PDZRN4: variants seen among roughly 807,000 people sequenced by gnomAD.
PDZRN4 encodes PDZ domain-containing RING finger protein 4.
A neutral mutation model predicts 99.0 loss-of-function variants in PDZRN4; 70 were observed. The observed-to-expected ratio is 0.71, with a 90% CI of 0.58 to 0.86. The LOEUF (loss-of-function observed/expected upper bound fraction) is 0.86, where lower values mean the gene tolerates loss of function less well. Among genes scored for constraint, PDZRN4 ranks in the 40% least tolerant of loss-of-function variants. The probability of loss-of-function intolerance (pLI) is 0.00; values close to 1 mark genes in which losing one functional copy is unlikely to be tolerated. For missense variants in PDZRN4, 1,474 were observed against 1,331.2 expected, an observed-to-expected ratio of 1.11 and a Z score of -1.67; for synonymous variants, 551 against 501.6, an observed-to-expected ratio of 1.10 and a Z score of -1.32.
intron 3 of PDZRN4, among the ~76,000 whole-genome samples, chr12:41,315,000 C>T (rs2141106): frequency 0.98 from 148,809 of 152,214 alleles, 72,859 homozygotes; most frequent in Middle Eastern, 1. Context: ...CTTGTGACTC[C>T]AGGTGATCTG....
chr12:41,373,718 C>T (rs1363909313), intron 3 of PDZRN4, among the ~76,000 whole-genome samples: 1 of 152,138 alleles, frequency 6.6e-6, no homozygotes, highest in East Asian at 1.9e-4. Context: ...ACATCCTCCT[C>T]AGCTTATGAA....
rs59008796 is a variant in PDZRN4 at position 41,536,761 on chromosome 12, T to TAAAAAAAAAAAAAAAA, written c.1204-15883_1204-15882insAAAAAAAAAAAAAAAA. ...GAAAAAAATAACATCTATTGAAAAG[T>TAAAAAAAAAAAAAAAA]AAAAAAAAAAAACCCTTCTTGATTT... On this transcript the variant is annotated intron_variant, in intron 5 of 9. Coordinates refer to ENST00000402685, the MANE Select transcript of PDZRN4 (RefSeq NM_001164595.2). Among the ~76,000 whole-genome samples, 37 of 137,324 alleles carry TAAAAAAAAAAAAAAAA rather than the reference T, an allele frequency of 2.7e-4. 1 individual carries two copies. The highest frequency in any genetic ancestry group is 4.7e-4 in the African/African-American group (17 of 36,430). 90.1% of individuals were successfully genotyped at this position (137,324 alleles called of 152,430 possible).
intron 3 of PDZRN4, among the ~76,000 whole-genome samples, chr12:41,494,564 G>A (rs985671118): frequency 6.6e-6 from 1 of 151,392 alleles, no homozygotes; most frequent in Non-Finnish European, 1.5e-5. Context: ...AGCATCAGTT[G>A]CTATTTTAAA....
intron 3 of PDZRN4, among the ~76,000 whole-genome samples, chr12:41,251,708 C>G (rs892535848): frequency 3.9e-5 from 6 of 152,198 alleles, no homozygotes; most frequent in African/African-American, 1.4e-4. Context: ...CATCCAACAT[C>G]TCATTCCCCT....
At chr12:41,382,612 C>T (rs1052250413) in intron 3 of PDZRN4, among the ~76,000 whole-genome samples, 1 of 152,180 alleles carries the variant, frequency 6.6e-6, no homozygotes, top group African/African-American at 2.4e-5. Context: ...GCAAAGTTTA[C>T]ATATGTACTA....
chr12:41,303,911 T>A (rs1315658710), intron 3 of PDZRN4, among the ~76,000 whole-genome samples: 1 of 152,182 alleles, frequency 6.6e-6, no homozygotes, highest in Non-Finnish European at 1.5e-5. Context: ...GACCTCAGCT[T>A]TTTTAATTCA....
At chr12:41,409,061 G>T (rs1018848856) in intron 3 of PDZRN4, among the ~76,000 whole-genome samples, 1 of 152,100 alleles carries the variant, frequency 6.6e-6, no homozygotes, top group South Asian at 2.1e-4. Flanking sequence ...TTTAAAAGAG[G>T]AGATTGATTA....
chr12:41,439,724 T>A (rs941569680), intron 3 of PDZRN4, among the ~76,000 whole-genome samples: 2 of 152,160 alleles, frequency 1.3e-5, no homozygotes, highest in Non-Finnish European at 2.9e-5. Context: ...CCTCCATATA[T>A]TTATTTTATT....
At chr12:41,346,491 A>G (rs1951856226) in intron 3 of PDZRN4, among the ~76,000 whole-genome samples, 1 of 151,922 alleles carries the variant, frequency 6.6e-6, no homozygotes, top group Non-Finnish European at 1.5e-5. Flanking sequence ...AAATAAAAAT[A>G]AAAATAAATT....
In PDZRN4 at chr12:41,299,170, G is replaced by A. The variant is rs191818260; in HGVS notation, c.843+104982G>A. 5.9e-5 allele frequency among the ~76,000 whole-genome samples: 9 copies of A among 152,190 alleles called. No homozygotes were observed. In the East Asian group the frequency reaches 1.7e-3, roughly 29 times the overall value. ...GGCAAATAATTATTAAAAATAAAGA[G>A]AGCTGGCCATTTTCTCGAGCTGCTT... is the stretch of plus-strand genomic sequence containing the variant. On this transcript the variant is annotated intron_variant, in intron 3 of 9. Transcript: ENST00000402685.
intron 3 of PDZRN4, among the ~76,000 whole-genome samples, chr12:41,421,897 A>T (rs1005128816): frequency 2.6e-5 from 4 of 152,204 alleles, no homozygotes; most frequent in Non-Finnish European, 4.4e-5. Context: ...TATAAAATAG[A>T]TCTCTTGACA....
At chr12:41,339,154 A>G (rs777504123) in intron 3 of PDZRN4, among the ~76,000 whole-genome samples, 1 of 151,658 alleles carries the variant, frequency 6.6e-6, no homozygotes, top group Non-Finnish European at 1.5e-5. Context: ...GGGAGGAATC[A>G]CATTACCTGA....
intron 3 of PDZRN4, among the ~76,000 whole-genome samples, chr12:41,264,625 C>T (rs1951264628): frequency 6.6e-6 from 1 of 152,086 alleles, no homozygotes; most frequent in African/African-American, 2.4e-5. Context: ...CACAAACCAT[C>T]AGCTGAATTT....
chr12:41,469,334 T>C (rs1952963325), intron 3 of PDZRN4, among the ~76,000 whole-genome samples: 1 of 152,200 alleles, frequency 6.6e-6, no homozygotes, highest in East Asian at 1.9e-4. Context: ...ATGTGTGGAA[T>C]CAAAGAATTT....
At chr12:41,532,145 A>G (rs1374485442) in intron 5 of PDZRN4, among the ~76,000 whole-genome samples, 1 of 152,146 alleles carries the variant, frequency 6.6e-6, no homozygotes, top group Non-Finnish European at 1.5e-5. Flanking sequence ...TCTGATATGT[A>G]CAACATATTT....
At chr12:41,520,966 T>G (rs1938484137) in intron 5 of PDZRN4, among the ~76,000 whole-genome samples, 1 of 152,152 alleles carries the variant, frequency 6.6e-6, no homozygotes, top group South Asian at 2.1e-4. Flanking sequence ...CATATTTCAT[T>G]ACTTAAAATA....
intron 3 of PDZRN4, among the ~76,000 whole-genome samples, chr12:41,339,120 T>A (rs1951796960): frequency 8.1e-6 from 1 of 123,102 alleles, no homozygotes; most frequent in Non-Finnish European, 1.8e-5. Context: ...CCAAAGTCAT[T>A]CCGAGCAAAA....
chr12:41,337,770 C>A (rs1485418096), intron 3 of PDZRN4, among the ~76,000 whole-genome samples: 3 of 152,092 alleles, frequency 2.0e-5, no homozygotes, highest in African/African-American at 7.2e-5. Context: ...AGGATGAAGT[C>A]ATTCCTTGGA....
intron 3 of PDZRN4, among the ~76,000 whole-genome samples, chr12:41,444,565 A>G (rs866257575): frequency 1.3e-5 from 2 of 152,174 alleles, no homozygotes; most frequent in African/African-American, 2.4e-5. Context: ...AGAGCATTTC[A>G]GTGCAGAAAT....
Sources: gnomAD v4.1 joint callset for allele counts (sites outside exome capture counted in the v4.1 genomes callset) on GRCh38, gnomAD v4.1.1 for gene constraint, MANE v1.5 for transcripts, NCBI Gene and HGNC (gene_info 2026-07-23, HGNC 2026-07-21) for gene names.